The following NKAIN3 variants were observed in gnomAD, a reference collection of about 807,000 sequenced individuals.
NKAIN3 encodes the protein sodium/potassium-transporting ATPase subunit beta-1-interacting protein 3.
In NKAIN3, 25 loss-of-function variants were observed where a neutral mutation model predicts 30.2. The ratio of observed to expected loss-of-function variants is 0.83; its 90% CI spans 0.60 to 1.16. The LOEUF (loss-of-function observed/expected upper bound fraction) is 1.16. Among genes scored for constraint, NKAIN3 ranks in the 50% most tolerant of loss-of-function variants. The pLI, the probability that NKAIN3 is intolerant of heterozygous loss-of-function variation, is 0.00. For missense variants in NKAIN3, 225 were observed against 254.1 expected, an observed-to-expected ratio of 0.89 and a Z score of 0.78; for synonymous variants, 91 against 89.6, an observed-to-expected ratio of 1.02 and a Z score of -0.09.
At chr8:62,402,768 G>A (rs760246453) in intron 1 of NKAIN3, among the ~76,000 whole-genome samples, 19 of 152,244 alleles carry the variant, frequency 1.2e-4, no homozygotes, top group East Asian at 1.9e-4. Flanking sequence ...TTATAGCCGC[G>A]TGGGAACAGA....
chr8:62,985,621 T>C (rs751625618), downstream of NKAIN3, among the ~76,000 whole-genome samples: 11 of 152,240 alleles, frequency 7.2e-5, no homozygotes, highest in Non-Finnish European at 1.2e-4. Flanking sequence ...CTTTACATTA[T>C]TTGACAGAAC....
chr8:62,634,015 G>A (rs547668001), intron 3 of NKAIN3, among the ~76,000 whole-genome samples: 16 of 152,222 alleles, frequency 1.1e-4, no homozygotes, highest in African/African-American at 3.6e-4. Context: ...ATGTAGGCAT[G>A]TATGCTCAAT....
intron 4 of NKAIN3, among the ~76,000 whole-genome samples, chr8:62,775,878 T>C (rs902685985): frequency 6.6e-6 from 1 of 152,126 alleles, no homozygotes; most frequent in African/African-American, 2.4e-5. Flanking sequence ...TGTCCAATGC[T>C]GAAAGTGGGG....
intron 1 of NKAIN3, among the ~76,000 whole-genome samples, chr8:62,534,530 T>C (rs1480969397): frequency 6.6e-6 from 1 of 152,190 alleles, no homozygotes; most frequent in Admixed American, 6.6e-5. Flanking sequence ...GAATGTCACC[T>C]GTGAACTGTA....
Position 62,634,699 on chromosome 8 carries a change from G to A in NKAIN3, c.273+44905G>A, listed in dbSNP as rs182770543. ...AGAGGAGAGACAGAGATGGAAAGGA[G>A]CAAAGTCATGCTTGCATGGACTTGT... On this transcript the variant is annotated intron_variant, in intron 3 of 6. Transcript: ENST00000623646. Among the ~76,000 whole-genome samples, 4 of 152,300 alleles carry A rather than the reference G, an allele frequency of 2.6e-5. No homozygotes were observed. In the East Asian group the frequency reaches 7.7e-4, roughly 29 times the overall value.
intron 1 of NKAIN3, among the ~76,000 whole-genome samples, chr8:62,296,995 T>A (rs1381312393): frequency 6.6e-6 from 1 of 152,170 alleles, no homozygotes; most frequent in East Asian, 1.9e-4. Context: ...GACCAAGTCG[T>A]TCAGGTTCTA....
chr8:62,493,672 T>G (rs1807145613), intron 1 of NKAIN3, among the ~76,000 whole-genome samples: 1 of 152,140 alleles, frequency 6.6e-6, no homozygotes, highest in Non-Finnish European at 1.5e-5. Flanking sequence ...TGTTTTTTCA[T>G]TTGTTTGTGT....
intron 1 of NKAIN3, among the ~76,000 whole-genome samples, chr8:62,531,566 T>G (rs143546984): frequency 1.3e-5 from 2 of 152,308 alleles, no homozygotes; most frequent in East Asian, 3.9e-4. Context: ...AAGGAGCTAA[T>G]CACATGTCAG....
At chr8:62,911,953 C>T (rs1445615800) in intron 4 of NKAIN3, among the ~76,000 whole-genome samples, 1 of 152,112 alleles carries the variant, frequency 6.6e-6, no homozygotes, top group Non-Finnish European at 1.5e-5. Context: ...CCTCACTAGG[C>T]CCACATGCCA....
chr8:62,707,058 C>T (rs1056900355), intron 3 of NKAIN3, among the ~76,000 whole-genome samples: 2 of 39,978 alleles, frequency 5.0e-5, no homozygotes, highest in Non-Finnish European at 1.8e-4. Flanking sequence ...TACATACATA[C>T]ACACACACAC....
At chr8:62,632,227 A>G (rs997188104) in intron 3 of NKAIN3, among the ~76,000 whole-genome samples, 8 of 152,170 alleles carry the variant, frequency 5.3e-5, no homozygotes, top group Admixed American at 1.3e-4. Context: ...ATCTATCTCC[A>G]TATTTCTAAC....
chr8:62,841,360 C>G (rs1286820878), intron 4 of NKAIN3, among the ~76,000 whole-genome samples: 6 of 151,872 alleles, frequency 4.0e-5, no homozygotes, highest in African/African-American at 1.5e-4. Context: ...TTGAAATACA[C>G]AGTACATTAT....
At chr8:62,381,328 A>T (rs781226901) in intron 1 of NKAIN3, among the ~76,000 whole-genome samples, 3 of 152,116 alleles carry the variant, frequency 2.0e-5, no homozygotes, top group Non-Finnish European at 2.9e-5. Flanking sequence ...TTATCCTTTC[A>T]ATCAAATTCA....
At chr8:62,912,449 T>C (rs1187758741) in intron 4 of NKAIN3, among the ~76,000 whole-genome samples, 2 of 152,214 alleles carry the variant, frequency 1.3e-5, no homozygotes, top group East Asian at 3.8e-4. Context: ...TGTAACATTT[T>C]TACTTTATAA....
chr8:62,419,584 G>A (rs141179948), intron 1 of NKAIN3, among the ~76,000 whole-genome samples: 1 of 152,176 alleles, frequency 6.6e-6, no homozygotes, highest in Non-Finnish European at 1.5e-5. Flanking sequence ...TGTACATTCA[G>A]TAGTGACAAA....
chr8:62,262,761 A>G lies in NKAIN3; in HGVS notation c.54+13634A>G, dbSNP rs528673599. Among the ~76,000 whole-genome samples the G allele has an allele frequency of 1.9e-4, 29 of 152,184 alleles. No individual in the cohort carries two copies. In the East Asian group the frequency reaches 5.2e-3, roughly 28 times the overall value. On this transcript the variant is annotated intron_variant, in intron 1 of 6. Transcript: ENST00000623646. ...TTGAAGCATTTCACAAGTAGAAGAC[A>G]ACGTTTTGTAATATTTCACAGAGCC...
chr8:62,257,040 G>T (rs10090129), intron 1 of NKAIN3, among the ~76,000 whole-genome samples: 76,689 of 151,922 alleles, frequency 0.5, 21,365 homozygotes, highest in Non-Finnish European at 0.63. Flanking sequence ...ATAAAATGTG[G>T]AATAAAAAAA....
chr8:62,364,056 G>A (rs950770107), intron 1 of NKAIN3, among the ~76,000 whole-genome samples: 7 of 149,722 alleles, frequency 4.7e-5, no homozygotes, highest in East Asian at 2.0e-4. Flanking sequence ...CTGTATAGAT[G>A]CTTATGTGAG....
In NKAIN3 at chr8:62,980,211, TA is replaced by T. The variant is rs558457557; in HGVS notation, c.*14809del. On this transcript the variant is annotated 3_prime_UTR_variant, in exon 7 of 7. Coordinates refer to ENST00000623646, the MANE Select transcript of NKAIN3 (RefSeq NM_001304533.3). ...TTAACTGCTGGGTGTCAGTCTCTTC[TA>T]AAAATTTTGTTCCTAAGGAATTGAT... 3.1e-3 allele frequency: 470 copies of T among 152,336 alleles called. 6 individuals are homozygous for T. The highest frequency in any genetic ancestry group is 0.01 in the African/African-American group (435 of 41,582). The allele number at this position is 152,336 out of a possible 1,614,324, so 9.4% of individuals were successfully genotyped here.
Sources: gnomAD v4.1 joint callset for allele counts (sites outside exome capture counted in the v4.1 genomes callset) on GRCh38, gnomAD v4.1.1 for gene constraint, MANE v1.5 for transcripts, NCBI Gene and HGNC (gene_info 2026-07-23, HGNC 2026-07-21) for gene names.